The following PPARA variants were observed in gnomAD, a reference collection of about 807,000 sequenced individuals.
The protein encoded by PPARA is peroxisome proliferator activated receptor alpha, also known as peroxisome proliferator-activated receptor alpha.
In PPARA, 22 loss-of-function variants were observed where a neutral mutation model predicts 42.2. The ratio of observed to expected loss-of-function variants is 0.52; its 90% confidence interval spans 0.37 to 0.74. PPARA has a LOEUF of 0.74. Among genes scored for constraint, PPARA ranks in the 30% least tolerant of loss-of-function variants. The probability of loss-of-function intolerance (pLI) is 0.00; values close to 1 mark genes in which losing one functional copy is unlikely to be tolerated. For synonymous variants in PPARA, 242 were observed against 239.3 expected, an observed-to-expected ratio of 1.01 and a Z score of -0.10; for missense variants, 465 against 608.2, an observed-to-expected ratio of 0.76 and a Z score of 2.48.
chr22:46,172,340 A>C (rs953828398), intron 2 of PPARA, among the ~76,000 whole-genome samples: 1 of 148,378 alleles, frequency 6.7e-6, no homozygotes, highest in Non-Finnish European at 1.5e-5. Flanking sequence ...AAAAAAAAAA[A>C]CAGCATTGGG....
Position 46,241,586 on chromosome 22 carries a change from C to A in PPARA, c.*6206C>A, listed in dbSNP as rs1936371659. 6.6e-6 allele frequency: 1 copy of A among 152,216 alleles called. No individual in the cohort carries two copies. Among genetic ancestry groups the A allele is most frequent in the South Asian group, 2.1e-4 (1 of 4,832 alleles). The allele number at this position is 152,216 out of a possible 1,614,324, so 9.4% of individuals were successfully genotyped here. Reference sequence around the variant, plus strand: ...TGCCCAAGGCTGCTGCCTGCTCCACCTTTTGCCAGCTCTGGACATCTGAGG... The same window carrying A: ...TGCCCAAGGCTGCTGCCTGCTCCACATTTTGCCAGCTCTGGACATCTGAGG... On this transcript the variant is annotated 3_prime_UTR_variant, in exon 9 of 9. Transcript: ENST00000407236. The surrounding 1 kb of genome is among the most constrained non-coding windows in gnomAD (Gnocchi z 5.7).
rs78328014 is a variant in PPARA, at chr22:46,220,644, TA to T, written c.711+643del. 534 of 144,004 alleles carry T rather than the reference TA, an allele frequency of 3.7e-3. 1 individual carries two copies. Among genetic ancestry groups the T allele is most frequent in the African/African-American group, 8.7e-3 (342 of 39,182 alleles). 8.9% of individuals were successfully genotyped at this position (144,004 alleles called of 1,614,324 possible). On this transcript the variant is annotated intron_variant, in intron 7 of 8. Coordinates refer to ENST00000407236, the MANE Select transcript of PPARA (RefSeq NM_005036.6). ...CATGGCACCCAGCATTAACTGGATT[TA>T]AAAAAAAAAAAACTGACCAGGCAAG...
chr22:46,194,636 A>T (rs995027877), intron 3 of PPARA, among the ~76,000 whole-genome samples: 2 of 147,076 alleles, frequency 1.4e-5, no homozygotes, highest in African/African-American at 5.1e-5. Context: ...CAGTGGTGCA[A>T]TCTCAGCTCA....
chr22:46,178,713 T>C (rs947899908), intron 3 of PPARA, among the ~76,000 whole-genome samples: 6 of 152,144 alleles, frequency 3.9e-5, no homozygotes, highest in Admixed American at 3.9e-4. Context: ...CAGTGCCCAG[T>C]ACTTGTGCCA....
intron 2 of PPARA, among the ~76,000 whole-genome samples, chr22:46,153,248 C>T (rs931219313): frequency 3.4e-5 from 5 of 148,332 alleles, no homozygotes; most frequent in Admixed American, 6.7e-5. Flanking sequence ...TGGCTCACCG[C>T]AACGTCCACC....
At chr22:46,186,441 G>A (rs968822564) in intron 3 of PPARA, among the ~76,000 whole-genome samples, 2 of 152,152 alleles carry the variant, frequency 1.3e-5, no homozygotes, top group Non-Finnish European at 2.9e-5. Flanking sequence ...AGAGAGAAGA[G>A]CATGATTCAA....
In PPARA at chr22:46,162,103, C is replaced by T. The variant is rs182508976; in HGVS notation, c.-127+10133C>T. ...GGCAGGACAAGGTGTAGGGTCCTCA[C>T]CCACCACTTAGCAGCTCTCAGATGC... is the stretch of plus-strand genomic sequence containing the variant. On this transcript the variant is annotated intron_variant, in intron 2 of 8. Transcript: ENST00000407236. The surrounding 1 kb of genome is among the most constrained non-coding windows in gnomAD (Gnocchi z 6.0). Among the ~76,000 whole-genome samples the T allele has an allele frequency of 1.3e-3, 202 of 152,320 alleles. 1 individual carries two copies. Among genetic ancestry groups the T allele is most frequent in the Admixed American group, 3.8e-3 (58 of 15,302 alleles).
chr22:46,174,215 AGAGG>A (rs1446549098), intron 2 of PPARA, among the ~76,000 whole-genome samples: 5 of 147,444 alleles, frequency 3.4e-5, no homozygotes, highest in Admixed American at 6.8e-5. Flanking sequence ...AGAGAGAGAG[AGAGG>A]GAGAAAGAAA....
At chr22:46,214,715 A>G (rs1044201140) in intron 4 of PPARA, among the ~76,000 whole-genome samples, 5 of 141,122 alleles carry the variant, frequency 3.5e-5, no homozygotes, top group African/African-American at 1.3e-4. Flanking sequence ...TGCGGGTCCA[A>G]AGATGTGCAA....
chr22:46,209,245 T>A lies in PPARA; in HGVS notation c.209-5928T>A, dbSNP rs537056554. 2.0e-5 allele frequency among the ~76,000 whole-genome samples: 3 copies of A among 152,334 alleles called. No homozygotes were observed. The South Asian group carries it at 6.2e-4, about 32-fold the overall frequency. ...ACTTGTTATCTTTTATCTTTTTATA[T>A]ATCTGGCTGCTTCTAAATTTTTTTC... On this transcript the variant is annotated intron_variant, in intron 4 of 8. Transcript: ENST00000407236.
In PPARA at chr22:46,183,508, C is replaced by A. The variant is rs1233592321; in HGVS notation, c.-43+6672C>A. ...AGTAGTCCCAGCACTTTGCGGGGCCCAGGAGGGCAGATCACTTGAGTTCAG... is the reference window on the plus strand; with the variant it reads ...AGTAGTCCCAGCACTTTGCGGGGCCAAGGAGGGCAGATCACTTGAGTTCAG... On this transcript the variant is annotated intron_variant, in intron 3 of 8. Coordinates refer to ENST00000407236, the MANE Select transcript of PPARA (RefSeq NM_005036.6). The surrounding 1 kb of genome is among the most constrained non-coding windows in gnomAD (Gnocchi z 5.5). Among the ~76,000 whole-genome samples the A allele has an allele frequency of 6.6e-6, 1 of 152,172 alleles. No homozygotes were observed. The highest frequency in any genetic ancestry group is 2.4e-5 in the African/African-American group (1 of 41,442).
At chr22:46,169,825 G>T (rs1927707832) in intron 2 of PPARA, among the ~76,000 whole-genome samples, 1 of 151,922 alleles carries the variant, frequency 6.6e-6, no homozygotes, top group African/African-American at 2.4e-5. Flanking sequence ...TATTAGGAAG[G>T]TGTCAGTCAT....
rs140442655 is a variant in PPARA, at chr22:46,160,309, GT to G, written c.-127+8344del. 1.3e-5 allele frequency among the ~76,000 whole-genome samples: 2 copies of G among 152,158 alleles called. No homozygotes were observed. Among genetic ancestry groups the G allele is most frequent in the Non-Finnish European group, 2.9e-5 (2 of 68,024 alleles). On this transcript the variant is annotated intron_variant, in intron 2 of 8. Coordinates refer to ENST00000407236, the MANE Select transcript of PPARA (RefSeq NM_005036.6). The surrounding 1 kb of genome is among the most constrained non-coding windows in gnomAD (Gnocchi z 4.5). ...AATCTATATTGGTGTTCGTTTGTTTGTTTTTGAGATGGAGTCTCGCTCTGTC... is the reference window on the plus strand; with the variant it reads ...AATCTATATTGGTGTTCGTTTGTTTGTTTTGAGATGGAGTCTCGCTCTGTC...
At position 46,239,599 on chromosome 22, in the gene PPARA, G is replaced by C. The variant is rs1291737264; in HGVS notation, c.*4219G>C. ...TGAAACTGACATTGGGCACGTCTTG[G>C]GCTTAGGAGAAGCGGCCGATGGTCC... On this transcript the variant is annotated 3_prime_UTR_variant, in exon 9 of 9. Transcript: ENST00000407236. 6.6e-6 allele frequency: 1 copy of C among 150,470 alleles called. No homozygotes were observed. Among genetic ancestry groups the C allele is most frequent in the African/African-American group, 2.5e-5 (1 of 40,746 alleles). 9.3% of individuals were successfully genotyped at this position (150,470 alleles called of 1,614,324 possible). A position where few individuals can be genotyped will look rare whatever the true frequency, so the allele number is the denominator to read the frequency against.
At position 46,243,243 on chromosome 22, in the gene PPARA, C is replaced by G. The variant is rs1242420588; in HGVS notation, c.*7863C>G. 6.6e-6 allele frequency: 1 copy of G among 152,204 alleles called. No homozygotes were observed. Among genetic ancestry groups the G allele is most frequent in the Non-Finnish European group, 1.5e-5 (1 of 68,066 alleles). 9.4% of individuals were successfully genotyped at this position (152,204 alleles called of 1,614,324 possible). ...AAGAGAGAGGGTTGACAGAAACACACGCGAGAATGAGGCAGATCCCAGAGC... is the reference window on the plus strand; with the variant it reads ...AAGAGAGAGGGTTGACAGAAACACAGGCGAGAATGAGGCAGATCCCAGAGC... On this transcript the variant is annotated 3_prime_UTR_variant, in exon 9 of 9. Coordinates refer to ENST00000407236, the MANE Select transcript of PPARA (RefSeq NM_005036.6). This position sits in a 1 kb window ranked among gnomAD's most constrained non-coding sequence, Gnocchi z 5.0.
chr22:46,153,247 G>T (rs1924747355), intron 2 of PPARA, among the ~76,000 whole-genome samples: 1 of 128,076 alleles, frequency 7.8e-6, no homozygotes, highest in South Asian at 2.6e-4. Flanking sequence ...TTGGCTCACC[G>T]CAACGTCCAC....
intron 4 of PPARA, among the ~76,000 whole-genome samples, chr22:46,201,010 T>C (rs1932807619): frequency 6.7e-6 from 1 of 149,942 alleles, no homozygotes; most frequent in South Asian, 2.1e-4. Flanking sequence ...GGTCAGGAGT[T>C]AAAGACCAGC....
rs757024310 is a variant in PPARA, at chr22:46,235,411, G to T, written c.*31G>T. 1.9e-6 allele frequency: 3 copies of T among 1,610,034 alleles called. No homozygotes were observed. The highest frequency in any genetic ancestry group is 4.5e-5 in the East Asian group (2 of 44,768). ...TTCAGATCAGCCACACCTTTTCCAGGAGTTCTGAAGCTGACAGCACTACAA... is the reference window on the plus strand; with the variant it reads ...TTCAGATCAGCCACACCTTTTCCAGTAGTTCTGAAGCTGACAGCACTACAA... On this transcript the variant is annotated 3_prime_UTR_variant, in exon 9 of 9. Transcript: ENST00000407236. The surrounding 1 kb of genome is among the most constrained non-coding windows in gnomAD (Gnocchi z 7.0).
Position 46,168,647 on chromosome 22 carries a change from T to C in PPARA, c.-126-8106T>C, listed in dbSNP as rs117057849. Among the ~76,000 whole-genome samples, 303 of 152,032 alleles carry C rather than the reference T, an allele frequency of 2.0e-3. 8 individuals carry two copies. In the East Asian group the frequency reaches 0.056, roughly 28 times the overall value. On this transcript the variant is annotated intron_variant, in intron 2 of 8. Transcript: ENST00000407236. ...ATGGGCATGTCATTTGAATGGATGGTAAGCAAGCACATGAAAAGATGTTCA... is the reference window on the plus strand; with the variant it reads ...ATGGGCATGTCATTTGAATGGATGGCAAGCAAGCACATGAAAAGATGTTCA...
Sources: allele counts gnomAD v4.1 joint callset (sites outside exome capture counted in the v4.1 genomes callset), GRCh38; gene constraint gnomAD v4.1.1; non-coding constraint Gnocchi (gnomAD v3.1); transcripts MANE v1.5; gene names NCBI Gene and HGNC (gene_info 2026-07-23, HGNC 2026-07-21).